CSMD1: variants seen among roughly 807,000 people sequenced by gnomAD.
CSMD1 encodes CUB and sushi domain-containing protein 1.
A neutral mutation model predicts 417.5 loss-of-function variants in CSMD1; 213 were observed. The ratio of observed to expected loss-of-function variants is 0.51; its 90% CI spans 0.46 to 0.57. The LOEUF (loss-of-function observed/expected upper bound fraction) is 0.57, where lower values mean the gene tolerates loss of function less well. CSMD1 is among the 20% of genes least tolerant of loss of function. CSMD1 has a pLI of 0.00. For synonymous variants in CSMD1, 2,862 were observed against 1,736.8 expected (o/e 1.65, Z -16.11); for missense variants, 6,923 against 4,529.7 (o/e 1.53, Z -15.17).
intron 5 of CSMD1, among the ~76,000 whole-genome samples, chr8:3,767,505 C>G (rs1465504434): frequency 6.6e-6 from 1 of 152,204 alleles, no homozygotes; most frequent in Non-Finnish European, 1.5e-5. Context: ...CCCAACCTAA[C>G]TAAGGCTTAG....
intron 2 of CSMD1, among the ~76,000 whole-genome samples, chr8:4,571,760 C>G (rs1798905544): frequency 6.6e-6 from 1 of 152,164 alleles, no homozygotes; most frequent in Non-Finnish European, 1.5e-5. Flanking sequence ...GTGTGGGAGT[C>G]TAAGTCTCTT....
chr8:3,900,789 A>G (rs1807696620), intron 5 of CSMD1, among the ~76,000 whole-genome samples: 1 of 152,160 alleles, frequency 6.6e-6, no homozygotes, highest in Non-Finnish European at 1.5e-5. Context: ...TAGCTGGGTG[A>G]CACAGCAGCT....
chr8:4,139,052 G>C (rs945146911), intron 3 of CSMD1, among the ~76,000 whole-genome samples: 28 of 152,036 alleles, frequency 1.8e-4, no homozygotes, highest in Admixed American at 1.2e-3. Context: ...AGACAGACTT[G>C]GGGCCACCAA....
At chr8:4,008,301 T>C (rs1034627591) in intron 4 of CSMD1, among the ~76,000 whole-genome samples, 2 of 152,110 alleles carry the variant, frequency 1.3e-5, no homozygotes, top group Admixed American at 1.3e-4. Context: ...AATATAGTTA[T>C]TCTGTTCAAT....
chr8:4,228,485 T>TC (rs1391942220), intron 3 of CSMD1, among the ~76,000 whole-genome samples: 2 of 151,264 alleles, frequency 1.3e-5, no homozygotes, highest in Non-Finnish European at 2.9e-5. Context: ...CACTGTATCC[T>TC]CCCCCAACTG....
intron 3 of CSMD1, among the ~76,000 whole-genome samples, chr8:4,249,191 A>C (rs1191136908): frequency 1.3e-5 from 2 of 152,198 alleles, no homozygotes; most frequent in African/African-American, 2.4e-5. Context: ...GAAGCTTGAT[A>C]GTGTCACCAG....
At chr8:4,762,988 T>C (rs1460960299) in intron 1 of CSMD1, among the ~76,000 whole-genome samples, 2 of 152,094 alleles carry the variant, frequency 1.3e-5, no homozygotes, top group African/African-American at 4.8e-5. Context: ...AGGAGACAGA[T>C]AAGGAAGCCC....
chr8:4,760,839 G>A (rs1420617643), intron 1 of CSMD1, among the ~76,000 whole-genome samples: 1 of 152,158 alleles, frequency 6.6e-6, no homozygotes, highest in African/African-American at 2.4e-5. Context: ...AATTCCCATA[G>A]AATAATCATA....
chr8:4,134,036 T>C (rs1224847472), intron 3 of CSMD1, among the ~76,000 whole-genome samples: 1 of 152,228 alleles, frequency 6.6e-6, no homozygotes, highest in Non-Finnish European at 1.5e-5. Context: ...TTTAAACATT[T>C]AAATGAGATT....
chr8:4,448,798 G>C (rs529055432), intron 2 of CSMD1, among the ~76,000 whole-genome samples: 1 of 152,270 alleles, frequency 6.6e-6, no homozygotes, highest in South Asian at 2.1e-4. Context: ...TCTGCAGAAG[G>C]AGACAGAAAC....
intron 50 of CSMD1, among the ~76,000 whole-genome samples, chr8:3,049,863 C>T (rs7827977): frequency 2.1e-3 from 314 of 151,998 alleles, no homozygotes; most frequent in African/African-American, 3.6e-3. Flanking sequence ...GCACATGTTG[C>T]GGACGGTGTG....
intron 3 of CSMD1, among the ~76,000 whole-genome samples, chr8:4,051,737 G>T (rs1798433885): frequency 6.6e-6 from 1 of 152,142 alleles, no homozygotes. Flanking sequence ...TTAAAGAAAG[G>T]CAAAGAAACA....
rs190101139 is a variant in CSMD1 at position 3,140,595 on chromosome 8, T to C, written c.6241+1870A>G. On this transcript the variant is annotated intron_variant, in intron 41 of 69. Coordinates refer to ENST00000635120, the MANE Select transcript of CSMD1 (RefSeq NM_033225.6). ...TGGAAGTCTGTGTCTATATTTTATA[T>C]TTTAGGTGAGACTACACATAATAAT... is the stretch of plus-strand genomic sequence containing the variant. Among the ~76,000 whole-genome samples, 28 of 152,192 alleles carry C rather than the reference T, an allele frequency of 1.8e-4. No individual in the cohort carries two copies. In the East Asian group the frequency reaches 4.4e-3, roughly 24 times the overall value.
At chr8:3,257,842 G>A (rs921917575) in intron 26 of CSMD1, among the ~76,000 whole-genome samples, 2 of 152,198 alleles carry the variant, frequency 1.3e-5, no homozygotes, top group South Asian at 2.1e-4. Flanking sequence ...GCAGCTGCAA[G>A]GGACTTGGGG....
intron 54 of CSMD1, among the ~76,000 whole-genome samples, chr8:2,982,151 T>C (rs1025503558): frequency 2.6e-5 from 4 of 151,972 alleles, no homozygotes; most frequent in Non-Finnish European, 5.9e-5. Flanking sequence ...AGGTCAAGAG[T>C]TCGAGACCAG....
chr8:3,241,730 C>G (rs946677777), intron 26 of CSMD1, among the ~76,000 whole-genome samples: 13 of 152,122 alleles, frequency 8.5e-5, no homozygotes, highest in African/African-American at 3.1e-4. Flanking sequence ...CGCTGCGGTT[C>G]AGGCATTTGG....
At chr8:3,986,357 C>A (rs947044744) in intron 5 of CSMD1, among the ~76,000 whole-genome samples, 1 of 152,162 alleles carries the variant, frequency 6.6e-6, no homozygotes, top group African/African-American at 2.4e-5. Context: ...TCCCTGAGCA[C>A]TGAGACACCC....
In CSMD1 at chr8:4,299,846, G is replaced by C. The variant is rs979911902; in HGVS notation, c.415+120107C>G. Among the ~76,000 whole-genome samples, 6 of 151,998 alleles carry C rather than the reference G, an allele frequency of 3.9e-5. No homozygotes were observed. The East Asian group carries it at 9.7e-4, about 25-fold the overall frequency. On this transcript the variant is annotated intron_variant, in intron 3 of 69. Coordinates refer to ENST00000635120, the MANE Select transcript of CSMD1 (RefSeq NM_033225.6). Reference sequence around the variant, plus strand: ...GGTTTTCACCTTCTTGGCCAGGATGGTCTCGATCTCCTGACTTCATGATCT... The same window carrying C: ...GGTTTTCACCTTCTTGGCCAGGATGCTCTCGATCTCCTGACTTCATGATCT...
intron 3 of CSMD1, among the ~76,000 whole-genome samples, chr8:4,308,205 A>C (rs1162394427): frequency 6.6e-6 from 1 of 152,072 alleles, no homozygotes; most frequent in East Asian, 1.9e-4. Flanking sequence ...AAGTCACTTG[A>C]GACTGTGTGG....
Sources: allele counts gnomAD v4.1 joint callset (sites outside exome capture counted in the v4.1 genomes callset), GRCh38; gene constraint gnomAD v4.1.1; transcripts MANE v1.5; gene names NCBI Gene and HGNC (gene_info 2026-07-23, HGNC 2026-07-21).